The following MCTP1 variants were observed in gnomAD, a reference collection of about 807,000 sequenced individuals.
MCTP1 encodes multiple C2 and transmembrane domain-containing protein 1.
Under a neutral mutation model 120.6 loss-of-function variants are expected in MCTP1, and 69 were observed. That is an observed-to-expected ratio of 0.57 (90% CI 0.47 to 0.70). MCTP1 has a LOEUF of 0.70. MCTP1 is among the 30% of genes least tolerant of loss of function. The pLI, the probability that MCTP1 is intolerant of heterozygous loss-of-function variation, is 0.00. For synonymous variants in MCTP1, 529 were observed against 493.1 expected, an observed-to-expected ratio of 1.07 and a Z score of -0.96; for missense variants, 1,203 against 1,248.8, an observed-to-expected ratio of 0.96 and a Z score of 0.55.
At chr5:94,802,493 C>A (rs1781423680) in intron 17 of MCTP1, among the ~76,000 whole-genome samples, 1 of 152,186 alleles carries the variant, frequency 6.6e-6, no homozygotes, top group Admixed American at 6.5e-5. Flanking sequence ...ATTCACTCCA[C>A]ACTAAAGCCT....
intron 18 of MCTP1, chr5:94,792,396 G>C (rs1375552134): frequency 6.6e-6 from 1 of 152,320 alleles, no homozygotes; most frequent in East Asian, 1.9e-4. Context: ...GTTGTGTCAT[G>C]AAGACAAAAG....
chr5:94,721,397 A>G (rs1760853687), intron 19 of MCTP1, among the ~76,000 whole-genome samples: 1 of 152,208 alleles, frequency 6.6e-6, no homozygotes, highest in South Asian at 2.1e-4. Context: ...TTATTGGCTA[A>G]GGATTTTTAA....
At chr5:94,998,142 G>C (rs759471325) in intron 2 of MCTP1, among the ~76,000 whole-genome samples, 9 of 151,850 alleles carry the variant, frequency 5.9e-5, no homozygotes, top group Non-Finnish European at 1.0e-4. Context: ...GCTTTGTTTT[G>C]GTATTTTATG....
intron 17 of MCTP1, among the ~76,000 whole-genome samples, chr5:94,835,751 T>A (rs1269669511): frequency 1.3e-5 from 2 of 152,186 alleles, no homozygotes; most frequent in African/African-American, 4.8e-5. Flanking sequence ...ACGCCTGTAA[T>A]CCCGGCACTT....
At chr5:95,207,680 G>A (rs1187268694) in intron 1 of MCTP1, among the ~76,000 whole-genome samples, 1 of 152,066 alleles carries the variant, frequency 6.6e-6, no homozygotes, top group African/African-American at 2.4e-5. Flanking sequence ...AAAGGCTACA[G>A]ACTAGCATAT....
intron 16 of MCTP1, among the ~76,000 whole-genome samples, chr5:94,868,923 T>A (rs968493562): frequency 1.4e-4 from 21 of 151,990 alleles, no homozygotes; most frequent in Admixed American, 5.3e-4. Flanking sequence ...TTCACCATTT[T>A]AGTAGAATTC....
chr5:95,071,510 A>G (rs1752173869), intron 1 of MCTP1, among the ~76,000 whole-genome samples: 1 of 152,154 alleles, frequency 6.6e-6, no homozygotes, highest in South Asian at 2.1e-4. Flanking sequence ...TTTATTCTCT[A>G]TATAATATTC....
chr5:95,009,580 A>AAT (rs2153654575), intron 2 of MCTP1, among the ~76,000 whole-genome samples: 1 of 151,222 alleles, frequency 6.6e-6, no homozygotes, highest in East Asian at 1.9e-4. Context: ...CATATATATG[A>AAT]ATATATATAA....
intron 1 of MCTP1, among the ~76,000 whole-genome samples, chr5:95,085,934 A>G (rs1334363918): frequency 6.6e-6 from 1 of 151,982 alleles, no homozygotes; most frequent in Admixed American, 6.6e-5. Context: ...AGAAATATTT[A>G]GGAGGTCTTT....
At chr5:95,257,826 C>CACACACACACACACACAT (rs1758053657) in intron 1 of MCTP1, among the ~76,000 whole-genome samples, 1 of 152,032 alleles carries the variant, frequency 6.6e-6, no homozygotes, top group South Asian at 2.1e-4. Flanking sequence ...CACACACACA[C>CACACACACACACACACAT]ACACAGACGG....
intron 12 of MCTP1, among the ~76,000 whole-genome samples, chr5:94,885,811 C>T (rs1801205261): frequency 1.3e-5 from 2 of 151,992 alleles, no homozygotes; most frequent in East Asian, 1.9e-4. Flanking sequence ...AAATTTTTTC[C>T]CTTACGAAGA....
chr5:94,951,397 T>C (rs927313443), intron 3 of MCTP1, among the ~76,000 whole-genome samples: 1 of 152,196 alleles, frequency 6.6e-6, no homozygotes, highest in African/African-American at 2.4e-5. Flanking sequence ...TATGTAACCC[T>C]TTCAAAGACA....
chr5:94,749,212 C>T (rs539976210), intron 19 of MCTP1, among the ~76,000 whole-genome samples: 7 of 152,116 alleles, frequency 4.6e-5, no homozygotes, highest in Admixed American at 3.9e-4. Context: ...AAAAGTATTT[C>T]CTTTGCACAG....
At chr5:94,774,951 T>C (rs1580618598) in intron 19 of MCTP1, among the ~76,000 whole-genome samples, 1 of 152,152 alleles carries the variant, frequency 6.6e-6, no homozygotes, top group Non-Finnish European at 1.5e-5. Context: ...TAACCCCTCA[T>C]AGTTCGTTTG....
Position 95,224,404 on chromosome 5 carries a change from AC to A in MCTP1, c.720+59451del, listed in dbSNP as rs1754029401. On this transcript the variant is annotated intron_variant, in intron 1 of 22. Transcript: ENST00000515393. Reference sequence around the variant, plus strand: ...AGCAAATATTGCATAGTACTCTAACACATCCCAAAGAATCAGTCCACCATCC... The same window carrying A: ...AGCAAATATTGCATAGTACTCTAACAATCCCAAAGAATCAGTCCACCATCC... 2.0e-5 allele frequency among the ~76,000 whole-genome samples: 3 copies of A among 152,222 alleles called. No individual in the cohort carries two copies. In the South Asian group the frequency reaches 6.2e-4, roughly 32 times the overall value.
intron 19 of MCTP1, among the ~76,000 whole-genome samples, chr5:94,749,636 CAG>C (rs1458956534): frequency 1.0e-5 from 1 of 98,690 alleles, no homozygotes; most frequent in East Asian, 3.6e-4. Context: ...GCCTGGGTGA[CAG>C]AGCAAGACTT....
chr5:95,265,101 C>A (rs536625933), intron 1 of MCTP1, among the ~76,000 whole-genome samples: 1 of 152,132 alleles, frequency 6.6e-6, no homozygotes, highest in Non-Finnish European at 1.5e-5. Context: ...CCGTTCCTAC[C>A]CACCACTCCT....
At chr5:95,028,281 T>A (rs1839658710) in intron 1 of MCTP1, among the ~76,000 whole-genome samples, 1 of 152,128 alleles carries the variant, frequency 6.6e-6, no homozygotes, top group Non-Finnish European at 1.5e-5. Context: ...AATGGTAAGT[T>A]AGCCTTCAGA....
intron 1 of MCTP1, among the ~76,000 whole-genome samples, chr5:95,163,668 A>G (rs993378213): frequency 1.3e-5 from 2 of 152,160 alleles, no homozygotes; most frequent in East Asian, 1.9e-4. Flanking sequence ...GGGAGGTTCT[A>G]CTTTTTTCTT....
Sources: allele counts gnomAD v4.1 joint callset (sites outside exome capture counted in the v4.1 genomes callset), GRCh38; gene constraint gnomAD v4.1.1; transcripts MANE v1.5; gene names NCBI Gene and HGNC (gene_info 2026-07-23, HGNC 2026-07-21).